HDAC9: variants seen among roughly 807,000 people sequenced by gnomAD.
The protein encoded by HDAC9 is MEF-2 interacting transcription repressor (MITR) protein.
Under a neutral mutation model 139.4 loss-of-function variants are expected in HDAC9, and 41 were observed. That is an observed-to-expected ratio of 0.29 (90% CI 0.23 to 0.38). The LOEUF (loss-of-function observed/expected upper bound fraction) is 0.38. HDAC9 is among the 10% of genes least tolerant of loss of function. HDAC9 has a pLI of 1.00. For synonymous variants in HDAC9, 517 were observed against 476.2 expected (o/e 1.09, Z -1.12); for missense variants, 1,147 against 1,297.0 (o/e 0.88, Z 1.78).
intron 6 of HDAC9, among the ~76,000 whole-genome samples, chr7:18,598,657 T>A (rs1833112859): frequency 6.6e-6 from 1 of 152,232 alleles, no homozygotes; most frequent in African/African-American, 2.4e-5. Context: ...TATGCTTGTA[T>A]AAGGAAATGT....
chr7:18,197,514 AATCAT>A (rs1562737253), intron 2 of HDAC9, among the ~76,000 whole-genome samples: 1 of 152,170 alleles, frequency 6.6e-6, no homozygotes, highest in Non-Finnish European at 1.5e-5. Context: ...TGCATCTTTG[AATCAT>A]CTACAAGTAG....
At chr7:18,102,591 C>T (rs774847340) in intron 1 of HDAC9, among the ~76,000 whole-genome samples, 13 of 152,138 alleles carry the variant, frequency 8.5e-5, no homozygotes, top group Middle Eastern at 6.8e-3. Context: ...CTTGAAAAAG[C>T]GAATACTACT....
chr7:18,490,732 G>T (rs940796521), upstream of HDAC9, among the ~76,000 whole-genome samples: 6 of 151,946 alleles, frequency 3.9e-5, no homozygotes, highest in African/African-American at 1.4e-4. Flanking sequence ...TTCCTTGGAG[G>T]TCTAAGGGAA....
At chr7:18,412,786 A>T (rs1004941113) in intron 1 of HDAC9, among the ~76,000 whole-genome samples, 50 of 152,206 alleles carry the variant, frequency 3.3e-4, no homozygotes, top group Non-Finnish European at 7.4e-5. Context: ...ATTATGTAAA[A>T]ATTAGAAGAA....
At chr7:18,865,746 A>G (rs974029676) in intron 21 of HDAC9, among the ~76,000 whole-genome samples, 1 of 152,118 alleles carries the variant, frequency 6.6e-6, no homozygotes, top group Non-Finnish European at 1.5e-5. Context: ...ATGCACAAAC[A>G]TAGGTGAATG....
At chr7:18,647,262 TG>T (rs1452646054) in intron 9 of HDAC9, among the ~76,000 whole-genome samples, 1 of 152,194 alleles carries the variant, frequency 6.6e-6, no homozygotes, top group African/African-American at 2.4e-5. Context: ...AAGCATTTTT[TG>T]TTTTTTTATT....
At chr7:18,317,260 T>C (rs1354801734) in intron 1 of HDAC9, among the ~76,000 whole-genome samples, 1 of 151,370 alleles carries the variant, frequency 6.6e-6, no homozygotes, top group East Asian at 1.9e-4. Context: ...GACTCATGAG[T>C]GTAGTAATGA....
chr7:18,782,014 G>GA lies in HDAC9; in HGVS notation c.2215-11326dup, dbSNP rs779687467. On this transcript the variant is annotated intron_variant, in intron 16 of 25. Coordinates refer to ENST00000686413, the MANE Select transcript of HDAC9 (RefSeq NM_178425.4). ...AATGGCACAGAATCAATACTGCAAT[G>GA]AAAAACCTCTGTTTCTTTGTTGAGT... Among the ~76,000 whole-genome samples, 4 of 152,190 alleles carry GA rather than the reference G, an allele frequency of 2.6e-5. No individual in the cohort carries two copies. The East Asian group carries it at 7.7e-4, about 29-fold the overall frequency.
intron 2 of HDAC9, among the ~76,000 whole-genome samples, chr7:18,202,697 G>A (rs184098985): frequency 6.6e-6 from 1 of 152,136 alleles, no homozygotes; most frequent in African/African-American, 2.4e-5. Flanking sequence ...CTTTTTGCGT[G>A]AGCAGCTTAA....
intron 2 of HDAC9, among the ~76,000 whole-genome samples, chr7:18,273,259 G>C (rs562747515): frequency 1.1e-4 from 16 of 151,586 alleles, no homozygotes; most frequent in Admixed American, 2.6e-4. Flanking sequence ...TGTAGATTTA[G>C]GGTCTCCCTT....
At chr7:18,229,010 C>T (rs1793263521) in intron 2 of HDAC9, among the ~76,000 whole-genome samples, 1 of 151,880 alleles carries the variant, frequency 6.6e-6, no homozygotes, top group East Asian at 1.9e-4. Flanking sequence ...TTTCATGGGG[C>T]CCTCTTTAAG....
chr7:18,727,211 C>T (rs1378119401), intron 12 of HDAC9, among the ~76,000 whole-genome samples: 1 of 152,194 alleles, frequency 6.6e-6, no homozygotes. Flanking sequence ...TGTTCTCCCA[C>T]GTTGTGTGGC....
chr7:18,302,121 C>T (rs1197663718), intron 1 of HDAC9, among the ~76,000 whole-genome samples: 1 of 152,096 alleles, frequency 6.6e-6, no homozygotes, highest in African/African-American at 2.4e-5. Flanking sequence ...TTTAAGGGTG[C>T]AAGTCATACA....
chr7:18,115,916 T>C (rs1442748104), intron 1 of HDAC9, among the ~76,000 whole-genome samples: 1 of 152,228 alleles, frequency 6.6e-6, no homozygotes. Flanking sequence ...CAAACTCAGG[T>C]ATCTGACACC....
chr7:18,199,413 T>A (rs1790947202), intron 2 of HDAC9, among the ~76,000 whole-genome samples: 1 of 152,176 alleles, frequency 6.6e-6, no homozygotes, highest in Non-Finnish European at 1.5e-5. Flanking sequence ...ACCTCTTAGT[T>A]CCATTTGTAT....
At chr7:18,976,838 C>T (rs866608282) in intron 25 of HDAC9, among the ~76,000 whole-genome samples, 2 of 152,176 alleles carry the variant, frequency 1.3e-5, no homozygotes, top group African/African-American at 4.8e-5. Context: ...CCAGCTTGCA[C>T]TCTTAAATTG....
chr7:18,707,190 C>G (rs912600669), intron 12 of HDAC9, among the ~76,000 whole-genome samples: 6 of 152,140 alleles, frequency 3.9e-5, no homozygotes, highest in African/African-American at 1.4e-4. Context: ...GAGACTGTTT[C>G]AAGAAGGAGA....
At chr7:18,727,549 TC>T in intron 12 of HDAC9, 30 bp from the exon 13 acceptor site, 2 of 1,556,336 alleles carry the variant, frequency 1.3e-6, no homozygotes, top group South Asian at 2.4e-5. Flanking sequence ...GTCTCACATT[TC>T]TTTCTACTGT....
chr7:18,208,800 A>G (rs915926969), intron 2 of HDAC9, among the ~76,000 whole-genome samples: 2 of 152,266 alleles, frequency 1.3e-5, no homozygotes, highest in African/African-American at 4.8e-5. Flanking sequence ...TTAAATTAGC[A>G]TGAGGAAAAT....
Sources: allele counts gnomAD v4.1 joint callset (sites outside exome capture counted in the v4.1 genomes callset), GRCh38; gene constraint gnomAD v4.1.1; transcripts MANE v1.5; gene names NCBI Gene and HGNC (gene_info 2026-07-23, HGNC 2026-07-21).